ATF2: variants seen among roughly 807,000 people sequenced by gnomAD.
The protein encoded by ATF2 is cyclic AMP-dependent transcription factor ATF-2.
In ATF2, 24 loss-of-function variants were observed where a neutral mutation model predicts 60.6. The observed-to-expected ratio is 0.40, with a 90% CI of 0.29 to 0.56. ATF2 has a LOEUF of 0.56. ATF2 is among the 20% of genes least tolerant of loss of function. The pLI, the probability that ATF2 is intolerant of heterozygous loss-of-function variation, is 0.54. For synonymous variants in ATF2, 206 were observed against 215.4 expected (o/e 0.96, Z 0.38); for missense variants, 433 against 607.7 (o/e 0.71, Z 3.02).
chr2:175,077,968 CA>C (rs1693468915), intron 13 of ATF2, among the ~76,000 whole-genome samples: 3 of 152,072 alleles, frequency 2.0e-5, no homozygotes, highest in Admixed American at 2.0e-4. Context: ...CCTATGTCCA[CA>C]AGTTTCTTTT....
chr2:175,152,345 A>G (rs745857581), intron 1 of ATF2, among the ~76,000 whole-genome samples: 27 of 152,340 alleles, frequency 1.8e-4, no homozygotes, highest in Non-Finnish European at 2.5e-4. Flanking sequence ...AAGAGCAAAG[A>G]AACAACCTAA....
intron 13 of ATF2, among the ~76,000 whole-genome samples, chr2:175,075,384 G>A (rs1417744148): frequency 6.6e-6 from 1 of 152,112 alleles, no homozygotes; most frequent in Non-Finnish European, 1.5e-5. Flanking sequence ...ATACATAGGA[G>A]AACAAGCAGT....
chr2:175,125,607 AAACT>A lies in ATF2; in HGVS notation c.103-4071_103-4068del, dbSNP rs1170704796. On this transcript the variant is annotated intron_variant, in intron 4 of 13. Transcript: ENST00000264110. Reference sequence around the variant, plus strand: ...TTCTAGTTCCAAAATGTATTTTAAGAAACTAAGTAGACATATACAAAGGGTTATG... The same window carrying A: ...TTCTAGTTCCAAAATGTATTTTAAGAAAGTAGACATATACAAAGGGTTATG... Among the ~76,000 whole-genome samples the A allele has an allele frequency of 2.0e-5, 3 of 152,264 alleles. No homozygotes were observed. The East Asian group carries it at 5.8e-4, about 29-fold the overall frequency.
chr2:175,136,011 C>CTTTT (rs1698118703), intron 3 of ATF2, among the ~76,000 whole-genome samples: 1 of 134,856 alleles, frequency 7.4e-6, no homozygotes. Flanking sequence ...TTCTTTCTTT[C>CTTTT]TTTGTTTTTT....
chr2:175,101,067 A>G (rs991316099), intron 10 of ATF2, among the ~76,000 whole-genome samples: 1 of 152,226 alleles, frequency 6.6e-6, no homozygotes, highest in Non-Finnish European at 1.5e-5. Context: ...TCAAGACCAT[A>G]AGAAAAACTG....
chr2:175,085,214 T>G (rs1694069331), intron 12 of ATF2, among the ~76,000 whole-genome samples: 1 of 152,168 alleles, frequency 6.6e-6, no homozygotes, highest in African/African-American at 2.4e-5. Flanking sequence ...TGTTATGTGT[T>G]GGCTAGCTAA....
At chr2:175,088,540 AG>A (rs1225814479) in intron 12 of ATF2, among the ~76,000 whole-genome samples, 1 of 151,984 alleles carries the variant, frequency 6.6e-6, no homozygotes, top group African/African-American at 2.4e-5. Flanking sequence ...CACATTTTGC[AG>A]TATCTAAGTT....
rs13035672 is a variant in ATF2 at position 175,133,902 on chromosome 2, G to A, written c.32+2510C>T. ...TACCTCAATAAAAAGCAAAAAAGGA[G>A]CAAACAGTTATTTAACCTAATACTA... is the stretch of plus-strand genomic sequence containing the variant. On this transcript the variant is annotated intron_variant, in intron 3 of 13. Coordinates refer to ENST00000264110, the MANE Select transcript of ATF2 (RefSeq NM_001880.4). Among the ~76,000 whole-genome samples the A allele has an allele frequency of 1.3e-3, 196 of 152,124 alleles. 2 individuals carry two copies. Among genetic ancestry groups the A allele is most frequent in the South Asian group, 0.011 (51 of 4,810 alleles).
chr2:175,143,251 CTT>C (rs971392507), intron 2 of ATF2, among the ~76,000 whole-genome samples: 1 of 151,820 alleles, frequency 6.6e-6, no homozygotes, highest in Non-Finnish European at 1.5e-5. Context: ...TGATACATAA[CTT>C]TATAAATTAT....
chr2:175,166,318 T>C (rs1048372143), intron 1 of ATF2, among the ~76,000 whole-genome samples: 3 of 152,206 alleles, frequency 2.0e-5, no homozygotes, highest in Admixed American at 1.3e-4. Context: ...ATACACATCA[T>C]GGTAAATTTG....
intron 2 of ATF2, among the ~76,000 whole-genome samples, chr2:175,142,653 T>C (rs1698624854): frequency 6.7e-6 from 1 of 149,890 alleles, no homozygotes; most frequent in Non-Finnish European, 1.5e-5. Context: ...TGATCAATCT[T>C]ACATAATTCT....
At chr2:175,080,620 T>C (rs777494538) in intron 13 of ATF2, 40 bp downstream of exon 13, 1 of 1,496,566 alleles carries the variant, frequency 6.7e-7, no homozygotes, top group East Asian at 2.3e-5. Flanking sequence ...GGTATTTCAC[T>C]GACGTAGCCT....
intron 4 of ATF2, among the ~76,000 whole-genome samples, chr2:175,129,345 T>C (rs1697569737): frequency 6.6e-6 from 1 of 152,080 alleles, no homozygotes; most frequent in African/African-American, 2.4e-5. Flanking sequence ...GAGGAAACTT[T>C]TGGGTGATTG....
chr2:175,139,088 T>C (rs62184517), intron 2 of ATF2, among the ~76,000 whole-genome samples: 5,997 of 152,314 alleles, frequency 0.039, 135 homozygotes, highest in Admixed American at 0.094. Context: ...TATAGCACAA[T>C]GCTCGGCACA....
chr2:175,077,044 A>C (rs1036762121), intron 13 of ATF2, among the ~76,000 whole-genome samples: 7 of 147,150 alleles, frequency 4.8e-5, no homozygotes, highest in Non-Finnish European at 8.9e-5. Context: ...GAGAACATGC[A>C]GTGTTTGGTT....
chr2:175,099,769 A>C (rs1695185299), intron 10 of ATF2, among the ~76,000 whole-genome samples: 1 of 152,260 alleles, frequency 6.6e-6, no homozygotes, highest in Admixed American at 6.5e-5. Flanking sequence ...AGAGCTGTTA[A>C]GCTAGTTCAA....
At chr2:175,127,291 A>G (rs912732407) in intron 4 of ATF2, 1 of 154,748 alleles carries the variant, frequency 6.5e-6, no homozygotes, top group Non-Finnish European at 1.5e-5. Flanking sequence ...GAAAGAGTAA[A>G]TTTGGTTGGT....
chr2:175,119,641 C>T (rs572012548), intron 5 of ATF2, among the ~76,000 whole-genome samples: 14 of 151,480 alleles, frequency 9.2e-5, no homozygotes, highest in Non-Finnish European at 1.9e-4. Context: ...TAGTTTCTAG[C>T]CTATCCCTTA....
chr2:175,074,506 A>C lies in ATF2; in HGVS notation c.*103T>G. On this transcript the variant is annotated 3_prime_UTR_variant, in exon 14 of 14. Transcript: ENST00000264110. ...AATTTAATTTCAAGTAAAAAAAAAA[A>C]ATTTACAACCACAGATTTCGCATAA... 5 of 1,398,976 alleles carry C rather than the reference A, an allele frequency of 3.6e-6. No individual in the cohort carries two copies. Among genetic ancestry groups the C allele is most frequent in the Non-Finnish European group, 4.7e-6 (5 of 1,054,294 alleles). The allele number at this position is 1,398,976 out of a possible 1,614,324, so 86.7% of individuals were successfully genotyped here. A position where few individuals can be genotyped will look rare whatever the true frequency, so the allele number is the denominator to read the frequency against.
Sources: gnomAD v4.1 joint callset for allele counts (sites outside exome capture counted in the v4.1 genomes callset) on GRCh38, gnomAD v4.1.1 for gene constraint, MANE v1.5 for transcripts, NCBI Gene and HGNC (gene_info 2026-07-23, HGNC 2026-07-21) for gene names.